The following RARB variants were observed in gnomAD, a reference collection of about 807,000 sequenced individuals.
RARB encodes the protein HBV-activated protein.
In RARB, 17 loss-of-function variants were observed where a neutral mutation model predicts 51.9. The observed-to-expected ratio is 0.33, with a 90% confidence interval of 0.22 to 0.49. The LOEUF is 0.49. Ranked by LOEUF, RARB falls within the 20% of genes least tolerant of loss-of-function variation. The probability of loss-of-function intolerance (pLI) is 0.99; values close to 1 mark genes in which losing one functional copy is unlikely to be tolerated. For missense variants in RARB, 369 were observed against 550.8 expected (o/e 0.67, Z 3.30); for synonymous variants, 215 against 195.4 (o/e 1.10, Z -0.84).
At chr3:25,417,412 C>A (rs540382193) in intron 5 of RARB, among the ~76,000 whole-genome samples, 1 of 152,046 alleles carries the variant, frequency 6.6e-6, no homozygotes, top group East Asian at 1.9e-4. Flanking sequence ...CCACACATGG[C>A]GGGAGGGACC....
intron 5 of RARB, among the ~76,000 whole-genome samples, chr3:25,338,365 G>A (rs1215475666): frequency 1.3e-5 from 2 of 152,126 alleles, no homozygotes; most frequent in Non-Finnish European, 2.9e-5. Flanking sequence ...TTCATGATTG[G>A]AATGTGTGGC....
At chr3:25,062,450 T>G (rs1698569174) in intron 3 of RARB, among the ~76,000 whole-genome samples, 1 of 151,962 alleles carries the variant, frequency 6.6e-6, no homozygotes, top group African/African-American at 2.4e-5. Flanking sequence ...ATAGACATTC[T>G]ATAACCCAAC....
intron 1 of RARB, among the ~76,000 whole-genome samples, chr3:25,451,197 T>C (rs1293218636): frequency 2.0e-5 from 3 of 152,214 alleles, no homozygotes; most frequent in Non-Finnish European, 4.4e-5. Context: ...TTGGCTATCA[T>C]TTATTGAGCA....
intron 2 of RARB, among the ~76,000 whole-genome samples, chr3:24,978,357 GA>G (rs1696565633): frequency 6.6e-6 from 1 of 152,134 alleles, no homozygotes; most frequent in Non-Finnish European, 1.5e-5. Context: ...ACCTCTGGTA[GA>G]ATTTGGCTGT....
At chr3:24,906,521 C>T (rs565899205) in intron 2 of RARB, among the ~76,000 whole-genome samples, 92 of 152,206 alleles carry the variant, frequency 6.0e-4, no homozygotes, top group Admixed American at 9.2e-4. Context: ...GGAAGGCTAA[C>T]TTCTCTAATC....
chr3:25,047,737 T>A (rs964036106), intron 2 of RARB, among the ~76,000 whole-genome samples: 2 of 152,228 alleles, frequency 1.3e-5, no homozygotes, highest in African/African-American at 4.8e-5. Flanking sequence ...GTCCTTTGAA[T>A]TCCAACACCT....
At chr3:25,110,081 C>T (rs1699575261) in intron 3 of RARB, among the ~76,000 whole-genome samples, 1 of 152,158 alleles carries the variant, frequency 6.6e-6, no homozygotes, top group Admixed American at 6.6e-5. Context: ...GTTAAACTCT[C>T]CAGTGTGGTT....
chr3:25,243,264 T>C (rs1197618596), intron 5 of RARB, among the ~76,000 whole-genome samples: 1 of 152,190 alleles, frequency 6.6e-6, no homozygotes, highest in Non-Finnish European at 1.5e-5. Flanking sequence ...ACAGAGATAA[T>C]TTGACTTCCT....
Position 24,945,136 on chromosome 3 carries a change from A to G in RARB, c.-380+86384A>G, listed in dbSNP as rs538334913. Among the ~76,000 whole-genome samples the G allele has an allele frequency of 1.6e-3, 243 of 152,316 alleles. 1 individual carries two copies. The highest frequency in any genetic ancestry group is 2.7e-3 in the Non-Finnish European group (181 of 68,018). The stretch of plus-strand genomic sequence containing the variant: ...AGTTATGTGGTAAATTTAGTTTTTT[A>G]TAGTCTTATGGGTTTGCTTTTCTTT... On this transcript the variant is annotated intron_variant, in intron 2 of 11. Transcript: ENST00000383772.
intron 2 of RARB, among the ~76,000 whole-genome samples, chr3:25,023,017 C>T (rs892620705): frequency 1.3e-5 from 2 of 152,238 alleles, no homozygotes; most frequent in African/African-American, 4.8e-5. Flanking sequence ...TTAGCTGCTG[C>T]ATGGATTACA....
At chr3:25,342,707 G>A (rs1402439619) in intron 5 of RARB, among the ~76,000 whole-genome samples, 2 of 152,130 alleles carry the variant, frequency 1.3e-5, no homozygotes, top group African/African-American at 2.4e-5. Flanking sequence ...GCAGCTGAAC[G>A]CAGCCCTACC....
chr3:25,031,668 G>C (rs1697879807), intron 2 of RARB, among the ~76,000 whole-genome samples: 1 of 152,112 alleles, frequency 6.6e-6, no homozygotes, highest in Admixed American at 6.5e-5. Context: ...AAGCACTTGG[G>C]GTAGTGACCC....
chr3:25,409,794 A>G (rs549753757), intron 5 of RARB, among the ~76,000 whole-genome samples: 1 of 152,316 alleles, frequency 6.6e-6, no homozygotes, highest in Admixed American at 6.5e-5. Context: ...TTTACCGCAC[A>G]TGTCACCATA....
At chr3:24,922,812 C>T (rs1443256639) in intron 2 of RARB, among the ~76,000 whole-genome samples, 1 of 152,080 alleles carries the variant, frequency 6.6e-6, no homozygotes, top group Non-Finnish European at 1.5e-5. Flanking sequence ...TCCAACTCTG[C>T]CAAACATCTC....
chr3:25,385,684 T>C (rs1706772979), intron 5 of RARB, among the ~76,000 whole-genome samples: 1 of 152,196 alleles, frequency 6.6e-6, no homozygotes, highest in Non-Finnish European at 1.5e-5. Flanking sequence ...TGAGGTTTTC[T>C]GATTGTTAGT....
intron 5 of RARB, among the ~76,000 whole-genome samples, chr3:25,252,383 A>G (rs1008917345): frequency 1.3e-5 from 2 of 152,160 alleles, no homozygotes; most frequent in African/African-American, 4.8e-5. Context: ...ATTTCTGTAA[A>G]AAAACCAGCT....
chr3:25,341,244 C>T (rs145765151), intron 5 of RARB, among the ~76,000 whole-genome samples: 1,998 of 152,198 alleles, frequency 0.013, 26 homozygotes, highest in Middle Eastern at 0.027. Flanking sequence ...CTCTGGAGTG[C>T]TCAAAAGAAA....
At chr3:25,506,124 G>A (rs891767723) in intron 3 of RARB, among the ~76,000 whole-genome samples, 7 of 151,858 alleles carry the variant, frequency 4.6e-5, no homozygotes, top group East Asian at 1.9e-4. Context: ...ATGGTAGCGC[G>A]CTCCTATAAT....
intron 5 of RARB, among the ~76,000 whole-genome samples, chr3:25,230,544 G>A (rs1702152471): frequency 6.6e-6 from 1 of 151,698 alleles, no homozygotes; most frequent in Non-Finnish European, 1.5e-5. Context: ...TTTTCCCACT[G>A]ATCAGTTTCT....
Sources: gnomAD v4.1 joint callset for allele counts (sites outside exome capture counted in the v4.1 genomes callset) on GRCh38, gnomAD v4.1.1 for gene constraint, MANE v1.5 for transcripts, NCBI Gene and HGNC (gene_info 2026-07-23, HGNC 2026-07-21) for gene names.